GRID1: variants seen among roughly 807,000 people sequenced by gnomAD.
GRID1 encodes the protein glutamate ionotropic receptor delta type subunit 1, also known as glutamate receptor ionotropic, delta-1.
A neutral mutation model predicts 98.0 loss-of-function variants in GRID1; 28 were observed. The observed-to-expected ratio is 0.29, with a 90% confidence interval of 0.21 to 0.39. GRID1 has a LOEUF of 0.39. Among genes scored for constraint, GRID1 ranks in the 10% least tolerant of loss-of-function variants. The probability of loss-of-function intolerance (pLI) is 1.00; values close to 1 mark genes in which losing one functional copy is unlikely to be tolerated. For missense variants in GRID1, 1,111 were observed against 1,340.5 expected (o/e 0.83, Z 2.67); for synonymous variants, 553 against 538.5 (o/e 1.03, Z -0.37).
chr10:85,707,814 G>A (rs989488910), intron 12 of GRID1, among the ~76,000 whole-genome samples: 3 of 151,996 alleles, frequency 2.0e-5, no homozygotes, highest in African/African-American at 7.3e-5. Flanking sequence ...TCCTTTGTAG[G>A]GACATGAATG....
chr10:86,272,287 C>T (rs1309847829), intron 2 of GRID1, among the ~76,000 whole-genome samples: 2 of 152,132 alleles, frequency 1.3e-5, no homozygotes, highest in African/African-American at 4.8e-5. Context: ...GCAGAAACTG[C>T]CAGAGCCAAC....
At chr10:86,163,408 CTT>C (rs35437843) in intron 3 of GRID1, among the ~76,000 whole-genome samples, 62 of 138,398 alleles carry the variant, frequency 4.5e-4, no homozygotes, top group South Asian at 1.2e-3. Context: ...TGACGCATTT[CTT>C]TTTTTTTTTT....
intron 5 of GRID1, among the ~76,000 whole-genome samples, chr10:85,902,216 T>G (rs182483365): frequency 1.3e-5 from 2 of 152,312 alleles, no homozygotes; most frequent in East Asian, 3.9e-4. Flanking sequence ...TACTATAGTT[T>G]TTTCTATCTG....
intron 2 of GRID1, among the ~76,000 whole-genome samples, chr10:86,227,916 A>G (rs1846380366): frequency 6.6e-6 from 1 of 152,162 alleles, no homozygotes; most frequent in African/African-American, 2.4e-5. Flanking sequence ...ACTGAGGAAA[A>G]TGCTGAATGA....
rs73336573 is a variant in GRID1, at chr10:85,848,645, T to C, written c.1233+5851A>G. The stretch of plus-strand genomic sequence containing the variant: ...CAACAGAAACATTAACAGTATTTAA[T>C]TCTTGGTTTAAAGATTGTAGCTGAC... On this transcript the variant is annotated intron_variant, in intron 8 of 15. Coordinates refer to ENST00000327946, the MANE Select transcript of GRID1 (RefSeq NM_017551.3). Among the ~76,000 whole-genome samples the C allele has an allele frequency of 5.7e-3, 870 of 152,330 alleles. 8 individuals are homozygous for C. Among genetic ancestry groups the C allele is most frequent in the African/African-American group, 0.02 (818 of 41,582 alleles).
At chr10:86,261,085 C>T (rs1187363096) in intron 2 of GRID1, among the ~76,000 whole-genome samples, 1 of 152,242 alleles carries the variant, frequency 6.6e-6, no homozygotes, top group Non-Finnish European at 1.5e-5. Flanking sequence ...GCCATGAGGG[C>T]TGGGGCCCCT....
At chr10:85,875,317 A>G (rs1459722171) in intron 5 of GRID1, among the ~76,000 whole-genome samples, 1 of 152,218 alleles carries the variant, frequency 6.6e-6, no homozygotes, top group Non-Finnish European at 1.5e-5. Flanking sequence ...TAATATAGCT[A>G]CATGAGTTTT....
intron 5 of GRID1, among the ~76,000 whole-genome samples, chr10:85,881,426 A>C (rs1841012284): frequency 6.6e-6 from 1 of 152,194 alleles, no homozygotes; most frequent in Non-Finnish European, 1.5e-5. Context: ...CAAAACAGAG[A>C]TAGCGATCAA....
chr10:86,275,697 A>C (rs1057199069), intron 2 of GRID1, among the ~76,000 whole-genome samples: 9 of 152,190 alleles, frequency 5.9e-5, no homozygotes, highest in Non-Finnish European at 1.3e-4. Context: ...GTGAACTTAA[A>C]GATAGGACAA....
rs1488145129 is a variant in GRID1 at position 86,365,087 on chromosome 10, G to C, written c.80-991C>G. ...CGAGCTGGGGGCTGGGTAGGAGGAG[G>C]GAGGCCCGGATTCCTCACTACACCC... On this transcript the variant is annotated intron_variant, in intron 1 of 15. Coordinates refer to ENST00000327946, the MANE Select transcript of GRID1 (RefSeq NM_017551.3). This position sits in a 1 kb window ranked among gnomAD's most constrained non-coding sequence, Gnocchi z 4.8. 6.6e-6 allele frequency among the ~76,000 whole-genome samples: 1 copy of C among 152,100 alleles called. No homozygotes were observed. The highest frequency in any genetic ancestry group is 2.4e-5 in the African/African-American group (1 of 41,400).
At chr10:85,626,927 G>A (rs558751758) in intron 13 of GRID1, among the ~76,000 whole-genome samples, 121 of 152,260 alleles carry the variant, frequency 7.9e-4, no homozygotes, top group African/African-American at 2.4e-3. Context: ...TACATGCAGC[G>A]ATTCTACCCG....
chr10:86,335,705 C>T (rs1164578592), intron 2 of GRID1, among the ~76,000 whole-genome samples: 1 of 152,248 alleles, frequency 6.6e-6, no homozygotes, highest in Non-Finnish European at 1.5e-5. Flanking sequence ...ATGGAGACCT[C>T]CACACAGCAG....
At chr10:85,606,131 G>A (rs933415656) in intron 15 of GRID1, 1 of 152,202 alleles carries the variant, frequency 6.6e-6, no homozygotes, top group Non-Finnish European at 1.5e-5. Context: ...TGAAGAAAGA[G>A]CTTGACTAAG....
intron 8 of GRID1, among the ~76,000 whole-genome samples, chr10:85,750,341 A>G (rs577242722): frequency 6.6e-6 from 1 of 152,206 alleles, no homozygotes; most frequent in African/African-American, 2.4e-5. Flanking sequence ...TCACCTGATC[A>G]TCAGCTGTGA....
At chr10:85,612,590 T>C (rs1842746293) in intron 15 of GRID1, among the ~76,000 whole-genome samples, 3 of 152,070 alleles carry the variant, frequency 2.0e-5, no homozygotes, top group African/African-American at 7.2e-5. Flanking sequence ...CTGAGGTCTA[T>C]GTGGCAGAGA....
chr10:85,673,856 C>A (rs540849161), intron 12 of GRID1, among the ~76,000 whole-genome samples: 44 of 152,158 alleles, frequency 2.9e-4, no homozygotes, highest in Middle Eastern at 6.8e-3. Context: ...TTTTTTTAAC[C>A]TTAGGTTAAA....
chr10:85,806,219 C>A (rs529156976), intron 8 of GRID1, among the ~76,000 whole-genome samples: 2 of 152,052 alleles, frequency 1.3e-5, no homozygotes, highest in Non-Finnish European at 2.9e-5. Context: ...TGAAATGATG[C>A]TCAATATTAT....
At chr10:85,662,793 T>A (rs1458469164) in intron 12 of GRID1, among the ~76,000 whole-genome samples, 1 of 152,202 alleles carries the variant, frequency 6.6e-6, no homozygotes, top group Non-Finnish European at 1.5e-5. Context: ...TTGGGATGAA[T>A]TCTGACCATG....
chr10:85,928,521 G>A (rs916619039), intron 4 of GRID1, among the ~76,000 whole-genome samples: 1 of 152,202 alleles, frequency 6.6e-6, no homozygotes, highest in Non-Finnish European at 1.5e-5. Context: ...CTGGTGACCT[G>A]TGAAGGCTGG....
Sources: gnomAD v4.1 joint callset for allele counts (sites outside exome capture counted in the v4.1 genomes callset) on GRCh38, gnomAD v4.1.1 for gene constraint, Gnocchi (gnomAD v3.1) non-coding constraint, MANE v1.5 for transcripts, NCBI Gene and HGNC (gene_info 2026-07-23, HGNC 2026-07-21) for gene names.